CFAP96: variants seen among roughly 807,000 people sequenced by gnomAD.
The protein encoded by CFAP96 is cilia-and flagella-associated protein 96.
the CFAP96 span, among the ~76,000 whole-genome samples, chr4:185,428,733 AT>A: frequency 1.3e-5 from 2 of 152,162 alleles, no homozygotes; most frequent in Admixed American, 1.3e-4. Context: ...TCATTGTAGA[AT>A]TTTTGTTTTT....
At chr4:185,443,342 A>ATATATATATATATATATATATATTT in the CFAP96 span, among the ~76,000 whole-genome samples, 3 of 26,722 alleles carry the variant, frequency 1.1e-4, no homozygotes, top group Middle Eastern at 0.024. Context: ...ATATATATAT[A>ATATATATATATATATATATATATTT]TTTTTTTTTT....
chr4:185,412,915 C>T, the CFAP96 span, among the ~76,000 whole-genome samples: 104 of 152,224 alleles, frequency 6.8e-4, no homozygotes, highest in African/African-American at 2.0e-3. Context: ...CACCACCCTC[C>T]GCCAATTCAC....
the CFAP96 span, chr4:185,440,658 AAAAAG>A: frequency 6.6e-7 from 1 of 1,513,046 alleles, no homozygotes; most frequent in Non-Finnish European, 9.0e-7. Context: ...CCACCAATTA[AAAAAG>A]AAGAGAAGAA....
the CFAP96 span, among the ~76,000 whole-genome samples, chr4:185,409,025 T>C: frequency 1.3e-5 from 2 of 152,194 alleles, no homozygotes; most frequent in Admixed American, 1.3e-4. Flanking sequence ...ATATGTGAGC[T>C]CAGTGAGTAC....
At chr4:185,409,860 T>G in the CFAP96 span, among the ~76,000 whole-genome samples, 2 of 151,790 alleles carry the variant, frequency 1.3e-5, no homozygotes, top group African/African-American at 4.8e-5. Flanking sequence ...GAGGCAGAGA[T>G]CGGAATGATG....
the CFAP96 span, among the ~76,000 whole-genome samples, chr4:185,409,680 A>G: frequency 6.6e-6 from 1 of 152,344 alleles, no homozygotes; most frequent in East Asian, 1.9e-4. Context: ...GAACTTGTGA[A>G]TGCACCCTCT....
the CFAP96 span, chr4:185,415,496 CTG>C: frequency 4.8e-6 from 4 of 832,936 alleles, no homozygotes; most frequent in East Asian, 2.9e-5. Context: ...ATAAAAGAAA[CTG>C]TGTATTTGCT....
the CFAP96 span, among the ~76,000 whole-genome samples, chr4:185,411,358 T>C: frequency 7.2e-5 from 11 of 152,252 alleles, no homozygotes; most frequent in South Asian, 2.1e-3. Flanking sequence ...ACCACTCTTA[T>C]ATAAACTTCT....
At chr4:185,444,493 C>T in the CFAP96 span, among the ~76,000 whole-genome samples, 1 of 151,970 alleles carries the variant, frequency 6.6e-6, no homozygotes, top group Non-Finnish European at 1.5e-5. Flanking sequence ...TAAAGTAGAT[C>T]GAATTTTCCT....
chr4:185,446,669 GA>G, the CFAP96 span, among the ~76,000 whole-genome samples: 1 of 152,072 alleles, frequency 6.6e-6, no homozygotes, highest in African/African-American at 2.4e-5. Context: ...TTTACATAAG[GA>G]AAATTTTAAA....
the CFAP96 span, chr4:185,415,085 A>T: frequency 7.7e-7 from 1 of 1,292,294 alleles, no homozygotes; most frequent in Non-Finnish European, 1.1e-6. Context: ...TTTAGTGGAA[A>T]TATATAATTA....
At chr4:185,445,495 A>G in the CFAP96 span, 1 of 1,568,774 alleles carries the variant, frequency 6.4e-7, no homozygotes, top group Non-Finnish European at 8.7e-7. Flanking sequence ...AGCAATCTTG[A>G]GGAATCCTAA....
the CFAP96 span, chr4:185,422,686 T>C: frequency 4.2e-6 from 3 of 714,686 alleles, no homozygotes; most frequent in East Asian, 9.0e-5. Context: ...AATTATTTCA[T>C]GAGTTAATTC....
the CFAP96 span, among the ~76,000 whole-genome samples, chr4:185,437,977 A>G: frequency 6.6e-6 from 1 of 151,662 alleles, no homozygotes; most frequent in African/African-American, 2.4e-5. Context: ...GTTCTTCTGC[A>G]TGCACTATGT....
At chr4:185,444,085 C>G in the CFAP96 span, among the ~76,000 whole-genome samples, 1 of 147,602 alleles carries the variant, frequency 6.8e-6, no homozygotes, top group Middle Eastern at 3.4e-3. Flanking sequence ...TCCCGAGTAG[C>G]TGGGACTACA....
the CFAP96 span, among the ~76,000 whole-genome samples, chr4:185,428,052 CT>C: frequency 6.7e-6 from 1 of 150,010 alleles, no homozygotes; most frequent in South Asian, 2.1e-4. Flanking sequence ...CGCTATTGCA[CT>C]CCATCCTGGG....
the CFAP96 span, among the ~76,000 whole-genome samples, chr4:185,440,323 T>C: frequency 2.0e-5 from 3 of 152,164 alleles, no homozygotes; most frequent in Non-Finnish European, 4.4e-5. Context: ...CAAATAAATT[T>C]GTATCCAAAA....
At chr4:185,415,853 A>G in the CFAP96 span, 2 of 1,613,174 alleles carry the variant, frequency 1.2e-6, no homozygotes, top group Non-Finnish European at 1.7e-6. Context: ...TAAGATCTAT[A>G]TTTACTATTT....
chr4:185,425,813 C>T, the CFAP96 span: 8 of 1,585,674 alleles, frequency 5.0e-6, no homozygotes, highest in Middle Eastern at 1.7e-4. Flanking sequence ...CTCGTGGCGG[C>T]TGCCAAAGTC....
Sources: gnomAD v4.1 joint callset for allele counts (sites outside exome capture counted in the v4.1 genomes callset) on GRCh38, gnomAD v4.1.1 for gene constraint, MANE v1.5 for transcripts, NCBI Gene and HGNC (gene_info 2026-07-23, HGNC 2026-07-21) for gene names.